The following PLSCR2 variants were observed in gnomAD, a reference collection of about 807,000 sequenced individuals.
PLSCR2 encodes the protein PL scramblase 2.
Under a neutral mutation model 25.3 loss-of-function variants are expected in PLSCR2, and 18 were observed. The ratio of observed to expected loss-of-function variants is 0.71; its 90% CI spans 0.49 to 1.06. The LOEUF is 1.06. Ranked by LOEUF, PLSCR2 falls within the 50% of genes least tolerant of loss-of-function variation. PLSCR2 has a pLI of 0.00. For synonymous variants in PLSCR2, 88 were observed against 87.3 expected (o/e 1.01, Z -0.04); for missense variants, 243 against 269.5 (o/e 0.90, Z 0.69).
chr3:146,463,061 G>A (rs2041690504), upstream of PLSCR2, among the ~76,000 whole-genome samples: 1 of 152,086 alleles, frequency 6.6e-6, no homozygotes, highest in Admixed American at 6.5e-5. Context: ...AATTTGAGAA[G>A]TTCTGACACT....
chr3:146,419,351 T>C (rs1050155612), intron 2 of PLSCR2, among the ~76,000 whole-genome samples: 9 of 152,116 alleles, frequency 5.9e-5, no homozygotes, highest in South Asian at 2.1e-4. Flanking sequence ...ATATTTCCAC[T>C]AACAGTCTTG....
intron 4 of PLSCR2, 37 bp from the exon 5 acceptor site, chr3:146,454,200 T>C (rs770125927): frequency 1.4e-6 from 2 of 1,416,250 alleles, no homozygotes; most frequent in Non-Finnish European, 1.9e-6. Context: ...TAATAAATCA[T>C]CATAATAAAA....
In PLSCR2 at chr3:146,414,136, C is replaced by T. The variant is rs139792537; in HGVS notation, c.101-18215G>A. On this transcript the variant is annotated intron_variant and NMD_transcript_variant, in intron 2 of 3. Transcript: ENST00000463633. ...TCAGATGCATCCTTTTATCAGGAAT[C>T]CACTCCCACAATAACTAACCTACTC... Among the ~76,000 whole-genome samples, 139 of 152,220 alleles carry T rather than the reference C, an allele frequency of 9.1e-4. 1 individual carries two copies. Among genetic ancestry groups the T allele is most frequent in the African/African-American group, 3.3e-3 (135 of 41,532 alleles).
intron 8 of PLSCR2, among the ~76,000 whole-genome samples, chr3:146,433,898 T>C (rs1260995409): frequency 1.3e-5 from 2 of 152,292 alleles, no homozygotes; most frequent in South Asian, 2.1e-4. Flanking sequence ...GTAACACTTA[T>C]GGGGAGAGTG....
intron 2 of PLSCR2, among the ~76,000 whole-genome samples, chr3:146,410,422 T>C (rs1403964050): frequency 6.6e-6 from 1 of 152,188 alleles, no homozygotes; most frequent in East Asian, 1.9e-4. Flanking sequence ...GTCCAATCAC[T>C]TGGATGTGGG....
rs150126266 is a variant in PLSCR2 at position 146,415,441 on chromosome 3, G to A, written c.101-19520C>T. On this transcript the variant is annotated intron_variant and NMD_transcript_variant, in intron 2 of 3. Transcript: ENST00000463633. ...TATTGTTAACATACTCAATAATTTG[G>A]TTAACAAAAAATTTAAAGTACATAT... Among the ~76,000 whole-genome samples, 751 of 151,780 alleles carry A rather than the reference G, an allele frequency of 4.9e-3. 8 individuals are homozygous for A. Among genetic ancestry groups the A allele is most frequent in the African/African-American group, 0.016 (665 of 41,428 alleles).
intron 1 of PLSCR2, among the ~76,000 whole-genome samples, chr3:146,472,729 A>G (rs2042160398): frequency 6.6e-6 from 1 of 152,306 alleles, no homozygotes; most frequent in African/African-American, 2.4e-5. Flanking sequence ...TTCAACATAT[A>G]AATTTTGAGT....
At chr3:146,421,524 T>C (rs1415578421) in intron 2 of PLSCR2, among the ~76,000 whole-genome samples, 2 of 152,022 alleles carry the variant, frequency 1.3e-5, no homozygotes, top group African/African-American at 2.4e-5. Context: ...TGAAACAGAA[T>C]AGTTTCTGGA....
chr3:146,457,520 C>T (rs983056603), intron 3 of PLSCR2, among the ~76,000 whole-genome samples: 3 of 152,236 alleles, frequency 2.0e-5, no homozygotes, highest in Admixed American at 2.0e-4. Flanking sequence ...TCCTCCAACA[C>T]TGCAGTGCCC....
At chr3:146,431,205 C>G (rs1004182375), downstream of PLSCR2, among the ~76,000 whole-genome samples, 492 of 129,584 alleles carry the variant, frequency 3.8e-3, 2 homozygotes, top group African/African-American at 0.015. Flanking sequence ...AGACAATACT[C>G]TAAGCAGTTT....
chr3:146,484,803 C>G (rs1297213984), intron 1 of PLSCR2, among the ~76,000 whole-genome samples: 2 of 151,956 alleles, frequency 1.3e-5, no homozygotes, highest in Non-Finnish European at 2.9e-5. Context: ...CTAAATATGA[C>G]ATGGAAAAAC....
At chr3:146,396,472 G>A (rs1162531797) in intron 2 of PLSCR2, among the ~76,000 whole-genome samples, 1 of 152,088 alleles carries the variant, frequency 6.6e-6, no homozygotes, top group African/African-American at 2.4e-5. Flanking sequence ...GGGCCATAAG[G>A]GAAGGGTAGG....
chr3:146,489,926 T>C (rs367822458), intron 1 of PLSCR2, among the ~76,000 whole-genome samples: 3 of 152,096 alleles, frequency 2.0e-5, no homozygotes, highest in African/African-American at 7.2e-5. Context: ...TTCTCCCACT[T>C]GCTTCAAAAG....
intron 6 of PLSCR2, among the ~76,000 whole-genome samples, chr3:146,443,312 T>G (rs2040357224): frequency 1.3e-5 from 2 of 152,034 alleles, no homozygotes; most frequent in Non-Finnish European, 2.9e-5. Flanking sequence ...TCCTCCCCCC[T>G]CTATTTTTCA....
exon 3 of PLSCR2, chr3:146,458,449 T>C: frequency 6.7e-7 from 1 of 1,482,174 alleles, no homozygotes; most frequent in Non-Finnish European, 9.2e-7. Context: ...TAGTATCATA[T>C]CTATCTATTA....
At chr3:146,434,033 A>G (rs1238447490) in intron 8 of PLSCR2, among the ~76,000 whole-genome samples, 3 of 152,176 alleles carry the variant, frequency 2.0e-5, no homozygotes, top group African/African-American at 7.2e-5. Context: ...TACAAAACAA[A>G]TTACAAATGC....
intron 1 of PLSCR2, among the ~76,000 whole-genome samples, chr3:146,493,368 GT>G (rs1364319476): frequency 6.6e-6 from 1 of 152,078 alleles, no homozygotes; most frequent in Non-Finnish European, 1.5e-5. Flanking sequence ...CAATATCCCT[GT>G]TGTAAAACCC....
chr3:146,461,879 T>C (rs1349235079), upstream of PLSCR2: 22 of 1,405,050 alleles, frequency 1.6e-5, no homozygotes, highest in Non-Finnish European at 2.1e-5. Flanking sequence ...CTCATATATA[T>C]CTTGCGAAGT....
chr3:146,434,155 A>C (rs1388797891), intron 8 of PLSCR2, among the ~76,000 whole-genome samples: 1 of 152,124 alleles, frequency 6.6e-6, no homozygotes, highest in African/African-American at 2.4e-5. Flanking sequence ...ATTAAAAATG[A>C]GATAATAAAA....
Sources: gnomAD v4.1 joint callset for allele counts (sites outside exome capture counted in the v4.1 genomes callset) on GRCh38, gnomAD v4.1.1 for gene constraint, MANE v1.5 for transcripts, NCBI Gene and HGNC (gene_info 2026-07-23, HGNC 2026-07-21) for gene names.